TVP23C: variants seen among roughly 807,000 people sequenced by gnomAD.
TVP23C encodes trans-golgi network vesicle protein 23 homolog C.
Under a neutral mutation model 28.7 loss-of-function variants are expected in TVP23C, and 19 were observed. The ratio of observed to expected loss-of-function variants is 0.66; its 90% CI spans 0.46 to 0.97. The LOEUF is 0.97. TVP23C is among the 50% of genes least tolerant of loss of function. The pLI, the probability that TVP23C is intolerant of heterozygous loss-of-function variation, is 0.00. For missense variants in TVP23C, 186 were observed against 241.3 expected (o/e 0.77, Z 1.52); for synonymous variants, 68 against 81.7 (o/e 0.83, Z 0.90).
At chr17:15,503,022 G>A (rs1981549084) in exon 6 of TVP23C, 1 of 1,614,044 alleles carries the variant, frequency 6.2e-7, no homozygotes, top group African/African-American at 1.3e-5. Context: ...GCACGAAGAG[G>A]TGGAGAACTA....
At chr17:15,544,608 T>A (rs1983561479) in intron 5 of TVP23C, among the ~76,000 whole-genome samples, 1 of 151,372 alleles carries the variant, frequency 6.6e-6, no homozygotes, top group Non-Finnish European at 1.5e-5. Context: ...ACTCTAGAGG[T>A]AGGAGGAGGG....
chr17:15,517,774 C>T (rs1300718509), intron 5 of TVP23C, among the ~76,000 whole-genome samples: 2 of 152,166 alleles, frequency 1.3e-5, no homozygotes, highest in African/African-American at 4.8e-5. Context: ...GATGACTACA[C>T]AGCTGGCAGG....
rs373607534 is a variant in TVP23C, at chr17:15,502,809, C to CTCT, written c.*54_*55insAGA. ...TCCCTCTCTCCTCTCTCCTCTCTCT[C>CTCT]CTCTCTCTCTCTCTCTCTCTCTCCT... On this transcript the variant is annotated 3_prime_UTR_variant, in exon 6 of 6. Coordinates refer to the TVP23C transcript ENST00000225576. The CTCT allele has an allele frequency of 2.5e-5, 35 of 1,415,734 alleles. No individual in the cohort carries two copies. In the African/African-American group the frequency reaches 4.4e-4, roughly 18 times the overall value. 87.7% of individuals were successfully genotyped at this position (1,415,734 alleles called of 1,614,324 possible). A position where few individuals can be genotyped will look rare whatever the true frequency, so the allele number is the denominator to read the frequency against.
chr17:15,532,414 T>C (rs1243548998), downstream of TVP23C, among the ~76,000 whole-genome samples: 2 of 152,070 alleles, frequency 1.3e-5, no homozygotes, highest in African/African-American at 4.8e-5. Flanking sequence ...TCCAAACCTA[T>C]CTTGGGGGGA....
Position 15,537,694 on chromosome 17 carries a change from A to C in TVP23C, c.*2718T>G, listed in dbSNP as rs1983213395. ...GTGCTCACTCTTACCATAGAAGCAA[A>C]ACTTTCTCCTGAAAACAATCTACAG... is the stretch of plus-strand genomic sequence containing the variant. On this transcript the variant is annotated 3_prime_UTR_variant, in exon 6 of 6. Transcript: ENST00000518321. 5 of 987,176 alleles carry C rather than the reference A, an allele frequency of 5.1e-6. No homozygotes were observed. Among genetic ancestry groups the C allele is most frequent in the Non-Finnish European group, 6.0e-6 (5 of 830,696 alleles). The allele number at this position is 987,176 out of a possible 1,614,324, so 61.2% of individuals were successfully genotyped here.
intron 3 of TVP23C, among the ~76,000 whole-genome samples, chr17:15,548,444 T>C (rs554505433): frequency 0.013 from 1,937 of 152,076 alleles, 39 homozygotes; most frequent in African/African-American, 0.041. Flanking sequence ...GGATTACAGG[T>C]GTAAGCCACC....
At chr17:15,548,505 T>G (rs1983745617) in intron 3 of TVP23C, among the ~76,000 whole-genome samples, 1 of 152,198 alleles carries the variant, frequency 6.6e-6, no homozygotes, top group Non-Finnish European at 1.5e-5. Flanking sequence ...TGAAAGTAGT[T>G]AGCATATCAT....
At chr17:15,525,180 T>TA (rs528134617) in intron 5 of TVP23C, among the ~76,000 whole-genome samples, 1,933 of 152,298 alleles carry the variant, frequency 0.013, 37 homozygotes, top group African/African-American at 0.044. Flanking sequence ...CCTACACTGT[T>TA]AAAAGGCGGG....
chr17:15,560,699 C>T (rs1342400957), intron 1 of TVP23C, among the ~76,000 whole-genome samples: 1 of 148,184 alleles, frequency 6.7e-6, no homozygotes, highest in Non-Finnish European at 1.5e-5. Flanking sequence ...GGGACTACAG[C>T]TGCCCACCAC....
At chr17:15,505,457 A>G (rs1474869786) in intron 5 of TVP23C, among the ~76,000 whole-genome samples, 7 of 152,182 alleles carry the variant, frequency 4.6e-5, no homozygotes, top group Non-Finnish European at 1.0e-4. Flanking sequence ...TCCTTCCTGT[A>G]TAACTCAAGA....
chr17:15,519,143 T>C (rs1174291390), intron 5 of TVP23C, among the ~76,000 whole-genome samples: 1 of 152,148 alleles, frequency 6.6e-6, no homozygotes, highest in African/African-American at 2.4e-5. Flanking sequence ...TTACCCAGTC[T>C]CAGGTGGTTT....
chr17:15,516,503 T>C (rs1178409041), intron 5 of TVP23C: 1 of 149,356 alleles, frequency 6.7e-6, no homozygotes, highest in Non-Finnish European at 1.5e-5. Context: ...GTGGACGGCA[T>C]CTTCCCCCTT....
Position 15,539,473 on chromosome 17 carries a change from G to A in TVP23C, c.*939C>T, listed in dbSNP as rs139807035. The A allele has an allele frequency of 0.01, 3,975 of 392,622 alleles. 146 individuals are homozygous for A. The highest frequency in any genetic ancestry group is 0.081 in the African/African-American group (3,722 of 45,726). 24.3% of individuals were successfully genotyped at this position (392,622 alleles called of 1,614,324 possible). On this transcript the variant is annotated 3_prime_UTR_variant, in exon 6 of 6. Coordinates refer to ENST00000518321, the MANE Select transcript of TVP23C (RefSeq NM_001135036.2). Reference sequence around the variant, plus strand: ...ATACAAAAAAGCCAGGCGTGGTGGCGGCGCCTGTAGTCCCAGCTACTCGGG... The same window carrying A: ...ATACAAAAAAGCCAGGCGTGGTGGCAGCGCCTGTAGTCCCAGCTACTCGGG...
At chr17:15,513,388 A>T (rs188082381) in intron 5 of TVP23C, among the ~76,000 whole-genome samples, 11 of 152,280 alleles carry the variant, frequency 7.2e-5, no homozygotes, top group African/African-American at 2.4e-4. Context: ...ACAATTGAGT[A>T]TTTCTTCTTT....
At chr17:15,548,285 G>A (rs2150854913) in intron 3 of TVP23C, among the ~76,000 whole-genome samples, 1 of 152,272 alleles carries the variant, frequency 6.6e-6, no homozygotes, top group African/African-American at 2.4e-5. Context: ...TCCTGCCTCA[G>A]CCTCCCAAGT....
At chr17:15,551,941 A>G (rs1983911558) in intron 3 of TVP23C, among the ~76,000 whole-genome samples, 1 of 152,182 alleles carries the variant, frequency 6.6e-6, no homozygotes, top group African/African-American at 2.4e-5. Context: ...ATTTTGCTTC[A>G]TATCTCCATT....
At chr17:15,516,965 G>A (rs777567668) in intron 5 of TVP23C, among the ~76,000 whole-genome samples, 6 of 152,220 alleles carry the variant, frequency 3.9e-5, no homozygotes, top group Non-Finnish European at 5.9e-5. Flanking sequence ...CACCCTAGGT[G>A]TGCAAGCTCA....
chr17:15,520,064 C>A (rs1349075782), intron 5 of TVP23C, among the ~76,000 whole-genome samples: 1 of 151,134 alleles, frequency 6.6e-6, no homozygotes, highest in Non-Finnish European at 1.5e-5. Flanking sequence ...AACAACCCAG[C>A]ATGCTTGCTC....
chr17:15,540,735 TG>T, intron 5 of TVP23C, among the ~76,000 whole-genome samples, 174 bp from the exon 6 acceptor site: 1 of 152,150 alleles, frequency 6.6e-6, no homozygotes, highest in African/African-American at 2.4e-5. Context: ...CAGACCCATC[TG>T]ATAGACGCTC....
Sources: allele counts gnomAD v4.1 joint callset (sites outside exome capture counted in the v4.1 genomes callset), GRCh38; gene constraint gnomAD v4.1.1; transcripts MANE v1.5; gene names NCBI Gene and HGNC (gene_info 2026-07-23, HGNC 2026-07-21).